MACROD2: variants seen among roughly 807,000 people sequenced by gnomAD.
The protein encoded by MACROD2 is ADP-ribose glycohydrolase MACROD2.
A neutral mutation model predicts 70.4 loss-of-function variants in MACROD2; 36 were observed. The ratio of observed to expected loss-of-function variants is 0.51; its 90% CI spans 0.39 to 0.68. The LOEUF (loss-of-function observed/expected upper bound fraction) is 0.68, where lower values mean the gene tolerates loss of function less well. Among genes scored for constraint, MACROD2 ranks in the 30% least tolerant of loss-of-function variants. The pLI, the probability that MACROD2 is intolerant of heterozygous loss-of-function variation, is 0.00. For missense variants in MACROD2, 496 were observed against 538.4 expected (o/e 0.92, Z 0.78); for synonymous variants, 172 against 178.8 (o/e 0.96, Z 0.30).
At chr20:15,143,581 C>A (rs2076208061) in intron 5 of MACROD2, among the ~76,000 whole-genome samples, 1 of 151,146 alleles carries the variant, frequency 6.6e-6, no homozygotes, top group African/African-American at 2.4e-5. Flanking sequence ...ACATGAAGTC[C>A]TTGCCCATGC....
At chr20:15,680,080 A>C (rs2050140025) in intron 8 of MACROD2, among the ~76,000 whole-genome samples, 1 of 152,190 alleles carries the variant, frequency 6.6e-6, no homozygotes, top group Non-Finnish European at 1.5e-5. Flanking sequence ...AGTCAAGGTC[A>C]AGTCCTCCAA....
chr20:14,696,764 T>C (rs2071130609), intron 5 of MACROD2, among the ~76,000 whole-genome samples: 1 of 152,040 alleles, frequency 6.6e-6, no homozygotes, highest in Non-Finnish European at 1.5e-5. Context: ...TAGTTACCCA[T>C]TTGGAGGTCT....
chr20:14,516,284 T>C (rs1449279738), intron 4 of MACROD2, among the ~76,000 whole-genome samples: 17 of 152,100 alleles, frequency 1.1e-4, no homozygotes, highest in Admixed American at 1.1e-3. Flanking sequence ...TTTCTTTTGC[T>C]GTGCAGAAGC....
intron 2 of MACROD2, among the ~76,000 whole-genome samples, chr20:14,037,062 C>T (rs919766002): frequency 1.3e-5 from 2 of 152,106 alleles, no homozygotes; most frequent in East Asian, 1.9e-4. Context: ...AATAATGAAG[C>T]GTGTCAGATG....
intron 5 of MACROD2, among the ~76,000 whole-genome samples, chr20:14,817,048 AT>A (rs2072782213): frequency 6.6e-6 from 1 of 152,118 alleles, no homozygotes; most frequent in African/African-American, 2.4e-5. Context: ...GATTTTCAAA[AT>A]GTTATTCGAA....
chr20:15,822,151 C>G (rs2063945355), intron 8 of MACROD2, among the ~76,000 whole-genome samples: 1 of 152,140 alleles, frequency 6.6e-6, no homozygotes. Flanking sequence ...TAGGGACATG[C>G]AGATCTGGTC....
intron 5 of MACROD2, among the ~76,000 whole-genome samples, chr20:14,974,508 G>A (rs1366650976): frequency 6.6e-6 from 1 of 152,106 alleles, no homozygotes; most frequent in African/African-American, 2.4e-5. Flanking sequence ...AAAGGATAGT[G>A]CAGTATCCTA....
chr20:15,662,380 G>T (rs2049833758), intron 8 of MACROD2, among the ~76,000 whole-genome samples: 1 of 152,158 alleles, frequency 6.6e-6, no homozygotes, highest in African/African-American at 2.4e-5. Context: ...CTGGGATTAG[G>T]TCTTTTTTTT....
intron 3 of MACROD2, among the ~76,000 whole-genome samples, chr20:14,184,332 A>C (rs1227153128): frequency 6.6e-6 from 1 of 151,678 alleles, no homozygotes; most frequent in Non-Finnish European, 1.5e-5. Flanking sequence ...AGATCAGGTA[A>C]CTGTAGGTGT....
At chr20:15,413,595 T>G (rs1251690334) in intron 6 of MACROD2, among the ~76,000 whole-genome samples, 1 of 152,160 alleles carries the variant, frequency 6.6e-6, no homozygotes, top group Non-Finnish European at 1.5e-5. Flanking sequence ...TTATTTAATG[T>G]TTACTGAGAG....
intron 6 of MACROD2, among the ~76,000 whole-genome samples, chr20:15,380,808 G>T (rs866961845): frequency 2.0e-5 from 3 of 152,142 alleles, no homozygotes; most frequent in Admixed American, 1.3e-4. Context: ...ACTAAACTTA[G>T]TGTTGTGTCA....
At position 15,151,944 on chromosome 20, in the gene MACROD2, A is replaced by G. The variant is rs185713972; in HGVS notation, c.419-77996A>G. Among the ~76,000 whole-genome samples, 214 of 151,962 alleles carry G rather than the reference A, an allele frequency of 1.4e-3. 2 individuals are homozygous for G. In the Middle Eastern group the frequency reaches 0.02, roughly 14 times the overall value. On this transcript the variant is annotated intron_variant, in intron 5 of 17. Transcript: ENST00000684519. ...TCAGATGGGTCTGTAGAAGAGGAAG[A>G]TTAGAAAGACTCAGCGACGCTTGGG...
At chr20:14,682,134 G>T (rs953484468) in intron 4 of MACROD2, among the ~76,000 whole-genome samples, 7 of 152,086 alleles carry the variant, frequency 4.6e-5, no homozygotes, top group African/African-American at 1.7e-4. Context: ...TCTGCAAACT[G>T]CATTAAGGAG....
chr20:15,905,002 A>C (rs1280898934), intron 10 of MACROD2, among the ~76,000 whole-genome samples: 1 of 152,166 alleles, frequency 6.6e-6, no homozygotes, highest in African/African-American at 2.4e-5. Flanking sequence ...CAGATCCCTG[A>C]ATTCTATTTT....
At chr20:15,988,535 C>T (rs2066516991) in intron 15 of MACROD2, among the ~76,000 whole-genome samples, 1 of 152,146 alleles carries the variant, frequency 6.6e-6, no homozygotes, top group Admixed American at 6.5e-5. Flanking sequence ...GGCACATTGA[C>T]ATGTTTCCCT....
At chr20:14,436,826 T>C (rs571671440) in intron 3 of MACROD2, among the ~76,000 whole-genome samples, 195 of 152,344 alleles carry the variant, frequency 1.3e-3, no homozygotes, top group African/African-American at 4.2e-3. Flanking sequence ...AAAGGACTTA[T>C]GGATTATTTG....
At chr20:14,046,610 C>T (rs1429530598) in intron 2 of MACROD2, among the ~76,000 whole-genome samples, 5 of 152,032 alleles carry the variant, frequency 3.3e-5, no homozygotes, top group Non-Finnish European at 7.4e-5. Flanking sequence ...ATCAAATTTT[C>T]GGGAAACAAA....
chr20:15,688,335 G>A (rs2146872867), intron 8 of MACROD2, among the ~76,000 whole-genome samples: 1 of 152,286 alleles, frequency 6.6e-6, no homozygotes. Flanking sequence ...CCTCAGGTCA[G>A]CCAGTTCTCC....
chr20:15,140,479 A>G (rs1226456248), intron 5 of MACROD2, among the ~76,000 whole-genome samples: 1 of 152,112 alleles, frequency 6.6e-6, no homozygotes, highest in Non-Finnish European at 1.5e-5. Flanking sequence ...CAGCAAGCAT[A>G]TTTCTTGGAT....
Sources: gnomAD v4.1 joint callset for allele counts (sites outside exome capture counted in the v4.1 genomes callset) on GRCh38, gnomAD v4.1.1 for gene constraint, MANE v1.5 for transcripts, NCBI Gene and HGNC (gene_info 2026-07-23, HGNC 2026-07-21) for gene names.